Variants in TPST1 observed in about 807,000 individuals in gnomAD.
TPST1 encodes protein-tyrosine sulfotransferase 1.
In TPST1, 20 loss-of-function variants were observed where a neutral mutation model predicts 34.8. The ratio of observed to expected loss-of-function variants is 0.57; its 90% CI spans 0.40 to 0.84. TPST1 has a LOEUF of 0.84. Among genes scored for constraint, TPST1 ranks in the 40% least tolerant of loss-of-function variants. TPST1 has a pLI of 0.00. For missense variants in TPST1, 353 were observed against 455.5 expected (o/e 0.78, Z 2.05); for synonymous variants, 152 against 159.4 (o/e 0.95, Z 0.35).
intron 1 of TPST1, among the ~76,000 whole-genome samples, chr7:66,220,008 A>G (rs543343207): frequency 6.6e-6 from 1 of 152,298 alleles, no homozygotes; most frequent in African/African-American, 2.4e-5. Flanking sequence ...AAATAGACTG[A>G]TCAATAAAGG....
intron 2 of TPST1, among the ~76,000 whole-genome samples, chr7:66,259,699 C>G (rs10807701): frequency 6.6e-6 from 1 of 152,106 alleles, no homozygotes; most frequent in Non-Finnish European, 1.5e-5. Context: ...TGCACTGCCT[C>G]CCCCAATATC....
intron 3 of TPST1, among the ~76,000 whole-genome samples, chr7:66,298,002 C>G (rs1252370799): frequency 6.6e-6 from 1 of 152,168 alleles, no homozygotes; most frequent in Non-Finnish European, 1.5e-5. Flanking sequence ...TGGGTATTTT[C>G]TCATTATCTT....
chr7:66,224,378 T>C (rs904745884), intron 1 of TPST1, among the ~76,000 whole-genome samples: 1 of 152,244 alleles, frequency 6.6e-6, no homozygotes, highest in Non-Finnish European at 1.5e-5. Flanking sequence ...GTATTGGCTG[T>C]TGCTGTTTGC....
chr7:66,241,413 A>G (rs1158400002), intron 2 of TPST1, 143 bp downstream of exon 2: 2 of 963,324 alleles, frequency 2.1e-6, no homozygotes, highest in South Asian at 5.6e-5. Flanking sequence ...TGGAACAGAT[A>G]CAGCTTCATT....
chr7:66,204,365 G>A (rs986340066), upstream of TPST1, among the ~76,000 whole-genome samples: 8 of 152,182 alleles, frequency 5.3e-5, no homozygotes, highest in African/African-American at 1.7e-4. Context: ...ACAGGCGTCC[G>A]CCACCATGCC....
rs1453139716 is a variant in TPST1, at chr7:66,328,902, ATATATTTTTT to A, written c.1045-23601_1045-23592del. On this transcript the variant is annotated intron_variant, in intron 3 of 5. Coordinates refer to ENST00000304842, the MANE Select transcript of TPST1 (RefSeq NM_003596.4). ...TCTCTCTCTCTATATATATATATATATATATTTTTTTTTTTTTTTTTTTTTTTGAGACAGG... is the reference window on the plus strand; with the variant it reads ...TCTCTCTCTCTATATATATATATATATTTTTTTTTTTTTTTTTGAGACAGG... Among the ~76,000 whole-genome samples, 8 of 38,586 alleles carry A rather than the reference ATATATTTTTT, an allele frequency of 2.1e-4. No individual in the cohort carries two copies. The South Asian group carries it at 2.4e-3, about 12-fold the overall frequency. 25.3% of individuals were successfully genotyped at this position (38,586 alleles called of 152,430 possible).
intron 1 of TPST1, among the ~76,000 whole-genome samples, chr7:66,210,879 G>T (rs1209787166): frequency 6.6e-6 from 1 of 152,144 alleles, no homozygotes; most frequent in Non-Finnish European, 1.5e-5. Flanking sequence ...TGAGGCAGGA[G>T]GATTGCTTGA....
intron 5 of TPST1, among the ~76,000 whole-genome samples, chr7:66,358,424 A>C (rs753723232): frequency 2.0e-5 from 3 of 151,536 alleles, no homozygotes; most frequent in South Asian, 4.2e-4. Flanking sequence ...TTTTATTTGC[A>C]TATATATAAG....
chr7:66,339,035 G>A (rs1792179416), intron 3 of TPST1, among the ~76,000 whole-genome samples: 1 of 140,196 alleles, frequency 7.1e-6, no homozygotes. Flanking sequence ...AGAATACAAA[G>A]ATCAATGAAA....
At chr7:66,347,826 T>C (rs1792386548) in intron 3 of TPST1, among the ~76,000 whole-genome samples, 1 of 152,236 alleles carries the variant, frequency 6.6e-6, no homozygotes, top group African/African-American at 2.4e-5. Context: ...ATGTTGGTTT[T>C]GTCTTCTTCA....
intron 2 of TPST1, among the ~76,000 whole-genome samples, chr7:66,266,895 A>G (rs1427815488): frequency 6.6e-6 from 1 of 152,136 alleles, no homozygotes; most frequent in East Asian, 1.9e-4. Context: ...GCAACACAAA[A>G]GAGACTGTTG....
chr7:66,312,242 CT>C (rs1004722736), intron 3 of TPST1, among the ~76,000 whole-genome samples: 18 of 152,164 alleles, frequency 1.2e-4, no homozygotes, highest in Non-Finnish European at 2.4e-4. Flanking sequence ...AGTGAGAGTA[CT>C]TTTTGAGAGC....
chr7:66,250,587 C>G (rs1246319950), intron 2 of TPST1, among the ~76,000 whole-genome samples: 1 of 151,996 alleles, frequency 6.6e-6, no homozygotes, highest in East Asian at 1.9e-4. Context: ...TGTTAGATCC[C>G]CCTTATCTGC....
chr7:66,250,645 G>A (rs745668985), intron 2 of TPST1, among the ~76,000 whole-genome samples: 11 of 152,080 alleles, frequency 7.2e-5, no homozygotes, highest in Non-Finnish European at 1.6e-4. Flanking sequence ...CCCCACTGAT[G>A]GTACCGAGCC....
At chr7:66,352,613 A>T in intron 4 of TPST1, 58 bp downstream of exon 4, 3 of 1,582,942 alleles carry the variant, frequency 1.9e-6, no homozygotes, top group African/African-American at 1.4e-5. Context: ...CATTGAAGTA[A>T]TATTTTTAAA....
chr7:66,222,600 G>A (rs1789567462), intron 1 of TPST1, among the ~76,000 whole-genome samples: 2 of 152,134 alleles, frequency 1.3e-5, no homozygotes, highest in South Asian at 2.1e-4. Flanking sequence ...AGGCAGTCAG[G>A]GACAGGTTGA....
chr7:66,231,002 A>G (rs1789775039), intron 1 of TPST1, among the ~76,000 whole-genome samples: 1 of 152,086 alleles, frequency 6.6e-6, no homozygotes, highest in South Asian at 2.1e-4. Flanking sequence ...ACCCTGAGCT[A>G]GACACAGGGT....
intron 3 of TPST1, among the ~76,000 whole-genome samples, chr7:66,295,753 C>T (rs191486391): frequency 2.0e-5 from 3 of 152,108 alleles, no homozygotes; most frequent in Non-Finnish European, 2.9e-5. Context: ...TGATGATTCT[C>T]TTGCCTCAGG....
rs1789118623 is a variant in TPST1 at position 66,205,921 on chromosome 7, T to C, written c.-102+399T>C. 6.6e-6 allele frequency: 1 copy of C among 152,426 alleles called. No homozygotes were observed. Among genetic ancestry groups the C allele is most frequent in the African/African-American group, 2.4e-5 (1 of 41,436 alleles). 9.4% of individuals were successfully genotyped at this position (152,426 alleles called of 1,614,324 possible). Reference sequence around the variant, plus strand: ...CTCATCGCCCCATCATCCTACCCGTTGTACGTAGTCCTGTCTGCATGGCAG... The same window carrying C: ...CTCATCGCCCCATCATCCTACCCGTCGTACGTAGTCCTGTCTGCATGGCAG... On this transcript the variant is annotated intron_variant, in intron 1 of 5. Transcript: ENST00000304842. This position sits in a 1 kb window ranked among gnomAD's most constrained non-coding sequence, Gnocchi z 5.0.
Sources: gnomAD v4.1 joint callset for allele counts (sites outside exome capture counted in the v4.1 genomes callset) on GRCh38, gnomAD v4.1.1 for gene constraint, Gnocchi (gnomAD v3.1) non-coding constraint, MANE v1.5 for transcripts, NCBI Gene and HGNC (gene_info 2026-07-23, HGNC 2026-07-21) for gene names.